The following UGT1A9 variants were observed in gnomAD, a reference collection of about 807,000 sequenced individuals.
UGT1A9 encodes UDP glucuronosyltransferase family 1 member A9.
A neutral mutation model predicts 45.0 loss-of-function variants in UGT1A9; 35 were observed. The ratio of observed to expected loss-of-function variants is 0.78; its 90% confidence interval spans 0.59 to 1.03. UGT1A9 has a LOEUF of 1.03. Ranked by LOEUF, UGT1A9 falls within the 50% of genes least tolerant of loss-of-function variation. The pLI, the probability that UGT1A9 is intolerant of heterozygous loss-of-function variation, is 0.00. For synonymous variants in UGT1A9, 278 were observed against 250.6 expected, an observed-to-expected ratio of 1.11 and a Z score of -1.03; for missense variants, 687 against 666.6, an observed-to-expected ratio of 1.03 and a Z score of -0.34.
At chr2:233,692,704 C>G (rs2075110773) in intron 1 of UGT1A9, 1 of 432,618 alleles carries the variant, frequency 2.3e-6, no homozygotes, top group Non-Finnish European at 3.1e-6. Context: ...CTCTCCAAGT[C>G]ATCTTCAAAG....
chr2:233,688,101 C>T (rs530758909), intron 1 of UGT1A9, among the ~76,000 whole-genome samples: 1 of 152,308 alleles, frequency 6.6e-6, no homozygotes, highest in South Asian at 2.1e-4. Context: ...TATTTCTCCC[C>T]CTTCTTCTAC....
Position 233,718,873 on chromosome 2 carries a change from T to A in UGT1A9, c.855+46084T>A, listed in dbSNP as rs139927449. ...CCGCGGCTGGCCACAGGACTGCTGC[T>A]CCTCCTCAGTGTCCAGCCCTGGGCT... On this transcript the variant is annotated intron_variant, in intron 1 of 4. Transcript: ENST00000354728. 339 of 1,613,914 alleles carry A rather than the reference T, an allele frequency of 2.1e-4. 1 individual carries two copies. Among genetic ancestry groups the A allele is most frequent in the Non-Finnish European group, 8.0e-5 (94 of 1,179,916 alleles).
At chr2:233,756,509 C>G (rs138449392) in intron 1 of UGT1A9, among the ~76,000 whole-genome samples, 3,057 of 152,098 alleles carry the variant, frequency 0.02, 61 homozygotes, top group Non-Finnish European at 0.029. Context: ...TATGGAGGGT[C>G]AAATGTGCAT....
chr2:233,751,479 G>A (rs184268355), intron 1 of UGT1A9, among the ~76,000 whole-genome samples: 7 of 152,348 alleles, frequency 4.6e-5, no homozygotes, highest in Admixed American at 3.9e-4. Flanking sequence ...GTTTTGAAAT[G>A]TGAAAAGACA....
In UGT1A9 at chr2:233,768,227, G is replaced by A. The variant is rs751408172; in HGVS notation, c.1083G>A (p.Pro361=). The part of the protein sequence containing the change: ...WLPQNDLLGH[P]MTRAFITHAG... The stretch of plus-strand genomic sequence containing the variant: ...CCCTATTTTGCATCTCAGGTCACCC[G>A]ATGACCCGTGCCTTTATCACCCATG... Residue 361 remains proline, a synonymous_variant, in exon 4 of 5, where the codon CCG becomes CCA. Transcript: ENST00000354728. 1.3e-5 allele frequency: 21 copies of A among 1,614,014 alleles called. No individual in the cohort carries two copies. The highest frequency in any genetic ancestry group is 8.3e-5 in the Admixed American group (5 of 59,996).
rs375204962 is a variant in UGT1A9, at chr2:233,760,376, T to C, written c.856-6658T>C. The C allele has an allele frequency of 6.2e-6, 10 of 1,614,042 alleles. No individual in the cohort carries two copies. In the African/African-American group the frequency reaches 6.7e-5, roughly 11 times the overall value. ...CCAGTGGTGTCCCATGCTGGGAAGA[T>C]ACTGTTGATCCCAGTGGATGGCAGC... On this transcript the variant is annotated intron_variant, in intron 1 of 4. Coordinates refer to ENST00000354728, the MANE Select transcript of UGT1A9 (RefSeq NM_021027.3).
rs28899172 is a variant in UGT1A9 at position 233,701,035 on chromosome 2, C to A, written c.855+28246C>A. On this transcript the variant is annotated intron_variant, in intron 1 of 4. Coordinates refer to ENST00000354728, the MANE Select transcript of UGT1A9 (RefSeq NM_021027.3). ...GTTTCCAGTTTCATCCATGTCCCTACAAAGGACATGAACTCATAATTTTTT... is the reference window on the plus strand; with the variant it reads ...GTTTCCAGTTTCATCCATGTCCCTAAAAAGGACATGAACTCATAATTTTTT... Among the ~76,000 whole-genome samples, 652 of 152,278 alleles carry A rather than the reference C, an allele frequency of 4.3e-3. 9 individuals carry two copies. Among genetic ancestry groups the A allele is most frequent in the African/African-American group, 0.015 (618 of 41,550 alleles).
intron 1 of UGT1A9, among the ~76,000 whole-genome samples, chr2:233,725,002 GC>G (rs1483949172): frequency 7.5e-6 from 1 of 134,040 alleles, no homozygotes; most frequent in African/African-American, 3.7e-5. Flanking sequence ...CTGGAGACCG[GC>G]CCGGCCAAAC....
At chr2:233,693,994 C>T (rs889915567) in intron 1 of UGT1A9, 87 of 1,517,188 alleles carry the variant, frequency 5.7e-5, no homozygotes, top group African/African-American at 2.2e-4. Flanking sequence ...AAGTGATACC[C>T]GGCTCGGAGC....
chr2:233,768,488 A>T, intron 4 of UGT1A9, 49 bp downstream of exon 4: 1 of 1,577,512 alleles, frequency 6.3e-7, no homozygotes, highest in East Asian at 2.3e-5. Flanking sequence ...ATTCATGATA[A>T]AATTGTTTCA....
At chr2:233,695,502 G>T (rs1032261518) in intron 1 of UGT1A9, among the ~76,000 whole-genome samples, 2 of 151,336 alleles carry the variant, frequency 1.3e-5, no homozygotes, top group African/African-American at 2.4e-5. Flanking sequence ...CAAAGTTTTT[G>T]GAGTATTACA....
At position 233,757,353 on chromosome 2, in the gene UGT1A9, G is replaced by A. The variant is rs373045458; in HGVS notation, c.856-9681G>A. The stretch of plus-strand genomic sequence containing the variant: ...GGGACCATGACAGCTGGGTCTGAGA[G>A]ACAGTGGTAGAAACATCCAGATTCA... On this transcript the variant is annotated intron_variant, in intron 1 of 4. Transcript: ENST00000354728. Among the ~76,000 whole-genome samples, 3 of 151,254 alleles carry A rather than the reference G, an allele frequency of 2.0e-5. No homozygotes were observed. The East Asian group carries it at 5.9e-4, about 30-fold the overall frequency.
At chr2:233,760,137 C>G (rs1317655516) in intron 1 of UGT1A9, 2 of 1,403,084 alleles carry the variant, frequency 1.4e-6, no homozygotes, top group Non-Finnish European at 1.9e-6. Context: ...TTCTTTATCT[C>G]TGAAAGTGAA....
At chr2:233,754,206 T>C (rs1220915682) in intron 1 of UGT1A9, 1 of 163,280 alleles carries the variant, frequency 6.1e-6, no homozygotes, top group Admixed American at 5.7e-5. Context: ...AACATTGAAG[T>C]CAAATGATTT....
At chr2:233,714,526 A>T (rs988419180) in intron 1 of UGT1A9, among the ~76,000 whole-genome samples, 1 of 152,254 alleles carries the variant, frequency 6.6e-6, no homozygotes, top group Non-Finnish European at 1.5e-5. Flanking sequence ...GGTTAACTTC[A>T]TGGTCTAATA....
intron 1 of UGT1A9, among the ~76,000 whole-genome samples, chr2:233,737,452 T>A (rs1303552589): frequency 6.6e-6 from 1 of 152,148 alleles, no homozygotes; most frequent in Non-Finnish European, 1.5e-5. Flanking sequence ...TTTTTCCAGG[T>A]ACAGTCTGTC....
intron 1 of UGT1A9, among the ~76,000 whole-genome samples, chr2:233,706,634 CTG>C (rs969226028): frequency 6.6e-6 from 1 of 152,204 alleles, no homozygotes; most frequent in African/African-American, 2.4e-5. Flanking sequence ...AGTGTTTCTA[CTG>C]TGTCTGTGCC....
chr2:233,760,943 A>G (rs1487587152), intron 1 of UGT1A9: 1 of 1,614,220 alleles, frequency 6.2e-7, no homozygotes, highest in South Asian at 1.1e-5. Context: ...GCCTTTTCAC[A>G]GAACTTTCTG....
intron 1 of UGT1A9, chr2:233,729,494 T>C (rs2077868084): frequency 6.2e-7 from 1 of 1,614,084 alleles, no homozygotes; most frequent in Non-Finnish European, 8.5e-7. Context: ...ATGTCTTTGG[T>C]CTATCATAGG....
Sources: allele counts gnomAD v4.1 joint callset (sites outside exome capture counted in the v4.1 genomes callset), GRCh38; gene constraint gnomAD v4.1.1; transcripts MANE v1.5; gene names NCBI Gene and HGNC (gene_info 2026-07-23, HGNC 2026-07-21).